The following NAV2 variants were observed in gnomAD, a reference collection of about 807,000 sequenced individuals.
NAV2 encodes the protein neuron navigator 2.
A neutral mutation model predicts 223.2 loss-of-function variants in NAV2; 54 were observed. The observed-to-expected ratio is 0.24, with a 90% CI of 0.19 to 0.30. NAV2 has a LOEUF of 0.30. Ranked by LOEUF, NAV2 falls within the 10% of genes least tolerant of loss-of-function variation. The pLI, the probability that NAV2 is intolerant of heterozygous loss-of-function variation, is 1.00. For missense variants in NAV2, 2,806 were observed against 3,147.5 expected (o/e 0.89, Z 2.60); for synonymous variants, 1,279 against 1,239.3 (o/e 1.03, Z -0.67).
intron 1 of NAV2, among the ~76,000 whole-genome samples, chr11:19,555,291 G>A (rs2044843575): frequency 6.6e-6 from 1 of 152,212 alleles, no homozygotes; most frequent in South Asian, 2.1e-4. Flanking sequence ...GGGAAGAGCT[G>A]CAGAGTGATC....
intron 1 of NAV2, among the ~76,000 whole-genome samples, chr11:19,592,783 C>CT (rs1436525039): frequency 1.3e-5 from 2 of 152,182 alleles, no homozygotes; most frequent in Non-Finnish European, 2.9e-5. Flanking sequence ...CTGATATTGA[C>CT]TAAGTGCTCA....
At position 20,048,885 on chromosome 11, in the gene NAV2, C is replaced by G; in HGVS notation, c.4060C>G (p.Pro1354Ala). 6.2e-7 allele frequency: 1 copy of G among 1,614,220 alleles called. No individual in the cohort carries two copies. The highest frequency in any genetic ancestry group is 8.5e-7 in the Non-Finnish European group (1 of 1,180,032). The part of the protein sequence containing the change: ...SGVLSSGSSS[P>A]LYSKNVDLNQ... Reference sequence around the variant, plus strand: ...CGTCCTGAGCAGTGGGAGCAGCAGTCCTCTCTACAGCAAGAATGTGGACCT... The same window carrying G: ...CGTCCTGAGCAGTGGGAGCAGCAGTGCTCTCTACAGCAAGAATGTGGACCT... Residue 1354 changes from proline (P) to alanine (A), a missense_variant, in exon 15 of 38, where the codon CCT (proline) becomes GCT (alanine). Coordinates refer to ENST00000349880, the MANE Select transcript of NAV2 (RefSeq NM_145117.5).
intron 1 of NAV2, among the ~76,000 whole-genome samples, chr11:19,378,123 C>T (rs1457875378): frequency 6.6e-6 from 1 of 152,188 alleles, no homozygotes; most frequent in East Asian, 1.9e-4. Context: ...GAGACAAGCT[C>T]CATGTGCAGT....
At chr11:19,546,979 G>A (rs2044519393) in intron 1 of NAV2, among the ~76,000 whole-genome samples, 1 of 152,222 alleles carries the variant, frequency 6.6e-6, no homozygotes, top group Non-Finnish European at 1.5e-5. Flanking sequence ...GATTCTGGAA[G>A]CTCAGATGTA....
chr11:19,845,332 T>G (rs2060739817), intron 3 of NAV2, among the ~76,000 whole-genome samples: 1 of 152,198 alleles, frequency 6.6e-6, no homozygotes, highest in Non-Finnish European at 1.5e-5. Context: ...AAATATTGCC[T>G]GTTTGGAGGA....
At chr11:19,880,293 G>A (rs2063121762) in intron 5 of NAV2, among the ~76,000 whole-genome samples, 166 bp downstream of exon 5, 1 of 152,186 alleles carries the variant, frequency 6.6e-6, no homozygotes, top group South Asian at 2.1e-4. Context: ...ATGCAGTGAG[G>A]AGCCCTTCTT....
At chr11:19,425,740 A>T (rs1850801884) in intron 1 of NAV2, among the ~76,000 whole-genome samples, 1 of 152,216 alleles carries the variant, frequency 6.6e-6, no homozygotes. Flanking sequence ...AACCCTTCTT[A>T]GTTCTGATCT....
intron 1 of NAV2, among the ~76,000 whole-genome samples, chr11:19,515,119 A>G (rs2043405041): frequency 6.6e-6 from 1 of 152,220 alleles, no homozygotes; most frequent in Non-Finnish European, 1.5e-5. Context: ...CAGTCTCCTC[A>G]TCTGTAGAAT....
At chr11:19,965,195 G>A (rs1016312382) in intron 10 of NAV2, among the ~76,000 whole-genome samples, 1 of 152,004 alleles carries the variant, frequency 6.6e-6, no homozygotes, top group African/African-American at 2.4e-5. Flanking sequence ...GGGGGGGCGG[G>A]GCCACTGGTA....
At chr11:19,596,925 C>T (rs1186793051) in intron 1 of NAV2, among the ~76,000 whole-genome samples, 9 of 152,178 alleles carry the variant, frequency 5.9e-5, no homozygotes, top group South Asian at 2.1e-4. Context: ...GATGCAGAAA[C>T]GGAGGCACAG....
intron 10 of NAV2, chr11:19,981,190 C>G (rs149985706): frequency 6.6e-6 from 1 of 152,366 alleles, no homozygotes; most frequent in South Asian, 2.1e-4. Flanking sequence ...TTTCCCCTCC[C>G]CTCTGCCAAA....
Position 19,516,216 on chromosome 11 carries a change from G to A in NAV2, c.75+165189G>A, listed in dbSNP as rs78086755. Among the ~76,000 whole-genome samples, 362 of 152,316 alleles carry A rather than the reference G, an allele frequency of 2.4e-3. 3 individuals are homozygous for A. The highest frequency in any genetic ancestry group is 8.1e-3 in the African/African-American group (335 of 41,564). On this transcript the variant is annotated intron_variant, in intron 1 of 37. Coordinates refer to the NAV2 transcript ENST00000360655. Reference sequence around the variant, plus strand: ...GAACTCAGAACAGCTTCTACCACATGATGGGGATCTTTTGTCTTTTTGCTG... The same window carrying A: ...GAACTCAGAACAGCTTCTACCACATAATGGGGATCTTTTGTCTTTTTGCTG...
At chr11:19,585,807 G>A (rs564825304) in intron 1 of NAV2, among the ~76,000 whole-genome samples, 17 of 152,238 alleles carry the variant, frequency 1.1e-4, no homozygotes, top group Admixed American at 7.2e-4. Context: ...CTGGCTGCCC[G>A]TAACATTTTT....
chr11:19,983,774 G>A (rs1054044599), intron 10 of NAV2, among the ~76,000 whole-genome samples: 12 of 152,042 alleles, frequency 7.9e-5, no homozygotes, highest in African/African-American at 2.9e-4. Flanking sequence ...CGTTACTCAG[G>A]TAAAACACCT....
chr11:19,489,635 T>C (rs2042558578), intron 1 of NAV2, among the ~76,000 whole-genome samples: 1 of 152,216 alleles, frequency 6.6e-6, no homozygotes, highest in Non-Finnish European at 1.5e-5. Flanking sequence ...CAGCACATGC[T>C]AGAGAATCAC....
At chr11:20,041,911 G>C (rs1202772982) in intron 12 of NAV2, among the ~76,000 whole-genome samples, 1 of 152,164 alleles carries the variant, frequency 6.6e-6, no homozygotes, top group Non-Finnish European at 1.5e-5. Context: ...TTAGGTCAAT[G>C]TCTATATTTA....
rs140120410 is a variant in NAV2 at position 19,892,451 on chromosome 11, C to T, written c.788C>T (p.Ala263Val). Residue 263 changes from alanine (A) to valine (V), a missense_variant, in exon 6 of 38, where the codon GCG (alanine) becomes GTG (valine). Around this residue, in one of 4 missense-constraint regions of NAV2, gnomAD observed 1,167 missense variants for 1,180.5 expected, o/e 0.99. Coordinates refer to ENST00000349880, the MANE Select transcript of NAV2 (RefSeq NM_145117.5). ...CATTTTAGACTTCCAGGTCCTACCG[C>T]GAGGGTATCCGCTGCAGGCAGCGAG... ...EMQSRLPGPT[A>V]RVSAAGSEAK... 3.9e-4 allele frequency: 624 copies of T among 1,613,964 alleles called. No individual in the cohort carries two copies. Among genetic ancestry groups the T allele is most frequent in the Non-Finnish European group, 4.4e-4 (516 of 1,179,932 alleles).
intron 1 of NAV2, among the ~76,000 whole-genome samples, chr11:19,640,484 C>A (rs1164835953): frequency 3.3e-5 from 5 of 151,804 alleles, no homozygotes; most frequent in Non-Finnish European, 1.5e-5. Context: ...ACTACTATAT[C>A]TTATAGTATA....
At chr11:19,685,739 C>T (rs537204503) in intron 1 of NAV2, among the ~76,000 whole-genome samples, 1 of 151,976 alleles carries the variant, frequency 6.6e-6, no homozygotes, top group Non-Finnish European at 1.5e-5. Flanking sequence ...ATTGGGTAAA[C>T]CTCCCTCCCT....
Sources: gnomAD v4.1 joint callset for allele counts (sites outside exome capture counted in the v4.1 genomes callset) on GRCh38, gnomAD v4.1.1 for gene constraint, gnomAD v4.1.1 regional missense constraint, MANE v1.5 for transcripts, NCBI Gene and HGNC (gene_info 2026-07-23, HGNC 2026-07-21) for gene names.